LYVE1: variants seen among roughly 807,000 people sequenced by gnomAD.
LYVE1 encodes the protein lymphatic vessel endothelial hyaluronan receptor 1, also known as lymphatic vessel endothelial hyaluronic acid receptor 1.
A neutral mutation model predicts 31.5 loss-of-function variants in LYVE1; 29 were observed. The ratio of observed to expected loss-of-function variants is 0.92; its 90% CI spans 0.69 to 1.26. The LOEUF (loss-of-function observed/expected upper bound fraction) is 1.26, where lower values mean the gene tolerates loss of function less well. Among genes scored for constraint, LYVE1 ranks in the 50% most tolerant of loss-of-function variants. LYVE1 has a pLI of 0.00. For synonymous variants in LYVE1, 134 were observed against 139.4 expected (o/e 0.96, Z 0.27); for missense variants, 376 against 380.2 (o/e 0.99, Z 0.09).
intron 3 of LYVE1, among the ~76,000 whole-genome samples, chr11:10,562,479 C>T (rs776867014): frequency 1.3e-5 from 2 of 152,184 alleles, no homozygotes; most frequent in African/African-American, 4.8e-5. Flanking sequence ...CTTTCTGGGA[C>T]AGTTTTTGCT....
Position 10,564,491 on chromosome 11 carries a change from C to G in LYVE1, c.86-117G>C, listed in dbSNP as rs535672475. 2.5e-5 allele frequency: 23 copies of G among 909,746 alleles called. No individual in the cohort carries two copies. The East Asian group carries it at 2.8e-4, about 11-fold the overall frequency. The allele number at this position is 909,746 out of a possible 1,614,324, so 56.4% of individuals were successfully genotyped here. A position where few individuals can be genotyped will look rare whatever the true frequency, so the allele number is the denominator to read the frequency against. On this transcript the variant is annotated intron_variant, in intron 1 of 5. Coordinates refer to ENST00000256178, the MANE Select transcript of LYVE1 (RefSeq NM_006691.4). ...CGCAGGGAGGTCTATCTGGCTGGGA[C>G]TGGGGTTTAGAATAACAGGACACAG...
At chr11:10,564,532 C>G (rs1242308518) in intron 1 of LYVE1, among the ~76,000 whole-genome samples, 158 bp from the exon 2 acceptor site, 1 of 152,192 alleles carries the variant, frequency 6.6e-6, no homozygotes. Context: ...GCATTTTCCA[C>G]AAGGACCATC....
At chr11:10,564,103 G>T in intron 2 of LYVE1, 24 bp from the exon 3 acceptor site, 1 of 1,614,106 alleles carries the variant, frequency 6.2e-7, no homozygotes, top group South Asian at 1.1e-5. Context: ...CACACTAGTT[G>T]AACAGAAAAA....
In LYVE1 at chr11:10,559,246, G is replaced by T; in HGVS notation, c.834C>A (p.Ile278=). ...FTNKNQQKEM[I]ETKVVKEEKA... ...TCTCCTCCTTTACTACTTTGGTTTC[G>T]ATCATTTCCTTCTGCTGATTCTTGT... is the stretch of plus-strand genomic sequence containing the variant. Residue 278 remains isoleucine, a synonymous_variant, in exon 6 of 6, where the codon ATC becomes ATA. Transcript: ENST00000256178. The T allele has an allele frequency of 6.2e-7, 1 of 1,614,010 alleles. No homozygotes were observed. The highest frequency in any genetic ancestry group is 8.5e-7 in the Non-Finnish European group (1 of 1,179,978).
At position 10,557,331 on chromosome 11, in the gene LYVE1, AT is replaced by A. The variant is rs1398723417; in HGVS notation, c.*1779del. ...GGGTTCTTTACTTCCAGATCTTTCC[AT>A]TTTTAGAGGGAACCCAGAAATGTAA... On this transcript the variant is annotated 3_prime_UTR_variant, in exon 6 of 6. Coordinates refer to ENST00000256178, the MANE Select transcript of LYVE1 (RefSeq NM_006691.4). The A allele has an allele frequency of 6.6e-6, 1 of 152,172 alleles. No individual in the cohort carries two copies. Among genetic ancestry groups the A allele is most frequent in the Non-Finnish European group, 1.5e-5 (1 of 68,020 alleles). 9.4% of individuals were successfully genotyped at this position (152,172 alleles called of 1,614,324 possible).
rs895343667 is a variant in LYVE1 at position 10,559,171 on chromosome 11, G to A, written c.909C>T (p.Asn303=). 9 of 1,613,972 alleles carry A rather than the reference G, an allele frequency of 5.6e-6. No individual in the cohort carries two copies. The highest frequency in any genetic ancestry group is 1.3e-5 in the African/African-American group (1 of 74,902). Residue 303 remains asparagine (N), a synonymous_variant, in exon 6 of 6, where the codon AAC becomes AAT. Coordinates refer to ENST00000256178, the MANE Select transcript of LYVE1 (RefSeq NM_006691.4). ...PNEESKKTDK[N]PEESKSPSKT... ...TGCTTGGACTCTTGGACTCTTCTGG[G>A]TTTTTATCAGTTTTCTTTGATTCCT... is the stretch of plus-strand genomic sequence containing the variant.
chr11:10,562,169 A>G (rs1324177713), intron 3 of LYVE1, among the ~76,000 whole-genome samples: 6 of 152,220 alleles, frequency 3.9e-5, no homozygotes, highest in South Asian at 2.1e-4. Flanking sequence ...AAGCCATTTG[A>G]CAGGCATGGG....
rs1460484120 is a variant in LYVE1 at position 10,559,328 on chromosome 11, A to G, written c.783-31T>C. On this transcript the variant is annotated intron_variant, in intron 5 of 5. Coordinates refer to ENST00000256178, the MANE Select transcript of LYVE1 (RefSeq NM_006691.4). Reference sequence around the variant, plus strand: ...GGCAGAAACATGAAATTAAAGTGAGAGACTCTCACACATAACGATAGATAA... The same window carrying G: ...GGCAGAAACATGAAATTAAAGTGAGGGACTCTCACACATAACGATAGATAA... The G allele has an allele frequency of 1.1e-5, 17 of 1,571,428 alleles. No individual in the cohort carries two copies. In the East Asian group the frequency reaches 3.6e-4, roughly 33 times the overall value.
chr11:10,561,514 C>T, intron 3 of LYVE1, among the ~76,000 whole-genome samples: 1 of 151,948 alleles, frequency 6.6e-6, no homozygotes, highest in South Asian at 2.1e-4. Flanking sequence ...AAGAAGTGAA[C>T]AAAAAGGGAC....
intron 4 of LYVE1, 151 bp downstream of exon 4, chr11:10,560,344 C>G (rs1420206019): frequency 9.1e-6 from 6 of 659,550 alleles, no homozygotes; most frequent in Non-Finnish European, 1.5e-5. Context: ...CTCTCAGATT[C>G]TATGACTTCA....
chr11:10,565,151 C>G (rs1323748098), intron 1 of LYVE1, among the ~76,000 whole-genome samples: 1 of 152,080 alleles, frequency 6.6e-6, no homozygotes. Context: ...AATTCTAATA[C>G]AAATGTTTAG....
chr11:10,560,157 C>T (rs1334908379), intron 4 of LYVE1, among the ~76,000 whole-genome samples: 1 of 152,200 alleles, frequency 6.6e-6, no homozygotes, highest in Non-Finnish European at 1.5e-5. Flanking sequence ...CTCTAGTCAA[C>T]AAGCCTGCCT....
Position 10,559,246 on chromosome 11 carries a change from G to C in LYVE1, c.834C>G (p.Ile278Met), listed in dbSNP as rs762279093. 1.9e-6 allele frequency: 3 copies of C among 1,614,010 alleles called. No homozygotes were observed. The highest frequency in any genetic ancestry group is 2.2e-5 in the East Asian group (1 of 44,878). The change falls in exon 6 of 6, where the codon ATC (isoleucine) becomes ATG (methionine). Residue 278 changes from isoleucine (I) to methionine (M), a missense_variant. Ile to Met is a conservative substitution (Grantham distance 10, BLOSUM62 1). Coordinates refer to ENST00000256178, the MANE Select transcript of LYVE1 (RefSeq NM_006691.4). ...TCTCCTCCTTTACTACTTTGGTTTC[G>C]ATCATTTCCTTCTGCTGATTCTTGT... The part of the protein sequence containing the change: ...FTNKNQQKEM[I>M]ETKVVKEEKA...
At position 10,560,743 on chromosome 11, in the gene LYVE1, T is replaced by C; in HGVS notation, c.455A>G (p.Asn152Ser). 6.2e-7 allele frequency: 1 copy of C among 1,613,916 alleles called. No individual in the cohort carries two copies. The highest frequency in any genetic ancestry group is 8.5e-7 in the Non-Finnish European group (1 of 1,179,812). Residue 152 changes from asparagine to serine, a missense_variant, in exon 4 of 6, where the codon AAC becomes AGC. Asn to Ser is a conservative substitution (Grantham distance 46, BLOSUM62 1). Coordinates refer to ENST00000256178, the MANE Select transcript of LYVE1 (RefSeq NM_006691.4). Reference sequence around the variant, plus strand: ...TGTTGTTTGTGTTGCAGTTTGAGTGTTGAATATGGGATCTTTGGTGGTGAT... The same window carrying C: ...TGTTGTTTGTGTTGCAGTTTGAGTGCTGAATATGGGATCTTTGGTGGTGAT... ...EIITTKDPIFNTQTATQTTEF... is the reference protein window; with the variant it reads ...EIITTKDPIFSTQTATQTTEF...
chr11:10,563,871 T>G, intron 3 of LYVE1, 69 bp downstream of exon 3: 2 of 1,588,484 alleles, frequency 1.3e-6, no homozygotes, highest in Non-Finnish European at 8.6e-7. Flanking sequence ...GGGTTACTCT[T>G]CCCAGACAGG....
At position 10,557,918 on chromosome 11, in the gene LYVE1, G is replaced by C. The variant is rs1349473031; in HGVS notation, c.*1193C>G. The C allele has an allele frequency of 6.6e-6, 1 of 152,118 alleles. No homozygotes were observed. The highest frequency in any genetic ancestry group is 1.5e-5 in the Non-Finnish European group (1 of 68,016). 9.4% of individuals were successfully genotyped at this position (152,118 alleles called of 1,614,324 possible). A position where few individuals can be genotyped will look rare whatever the true frequency, so the allele number is the denominator to read the frequency against. The stretch of plus-strand genomic sequence containing the variant: ...GTCACAAATATTTCTGCATCTCTCA[G>C]TCCCTTCTTGTTGGAAAAAGGAGGG... On this transcript the variant is annotated 3_prime_UTR_variant, in exon 6 of 6. Transcript: ENST00000256178.
In LYVE1 at chr11:10,558,849, T is replaced by G; in HGVS notation, c.*262A>C. 1 of 405,878 alleles carries G rather than the reference T, an allele frequency of 2.5e-6. No homozygotes were observed. The highest frequency in any genetic ancestry group is 4.4e-6 in the Non-Finnish European group (1 of 229,402). The allele number at this position is 405,878 out of a possible 1,614,324, so 25.1% of individuals were successfully genotyped here. A position where few individuals can be genotyped will look rare whatever the true frequency, so the allele number is the denominator to read the frequency against. On this transcript the variant is annotated 3_prime_UTR_variant, in exon 6 of 6. Transcript: ENST00000256178. ...AAAACTCCTTTCTCCCAGTGGGATA[T>G]TATTAGGACATAGCCAGGCTAGAAA...
intron 3 of LYVE1, among the ~76,000 whole-genome samples, chr11:10,562,722 T>G (rs974550254): frequency 6.6e-6 from 1 of 152,156 alleles, no homozygotes; most frequent in Non-Finnish European, 1.5e-5. Context: ...GCAGCCAAGG[T>G]CTTCAAGCAA....
chr11:10,562,177 G>A (rs1259324033), intron 3 of LYVE1, among the ~76,000 whole-genome samples: 1 of 152,184 alleles, frequency 6.6e-6, no homozygotes, highest in African/African-American at 2.4e-5. Flanking sequence ...TGACAGGCAT[G>A]GGCTGGCTAT....
Sources: gnomAD v4.1 joint callset for allele counts (sites outside exome capture counted in the v4.1 genomes callset) on GRCh38, gnomAD v4.1.1 for gene constraint, MANE v1.5 for transcripts, NCBI Gene and HGNC (gene_info 2026-07-23, HGNC 2026-07-21) for gene names.